Variants in GKAP1 observed in about 807,000 individuals in gnomAD.
The protein encoded by GKAP1 is G kinase anchoring protein 1.
In GKAP1, 31 loss-of-function variants were observed where a neutral mutation model predicts 56.7. The ratio of observed to expected loss-of-function variants is 0.55; its 90% CI spans 0.41 to 0.74. The LOEUF is 0.74. GKAP1 is among the 30% of genes least tolerant of loss of function. The pLI is 0.00. For missense variants in GKAP1, 364 were observed against 402.3 expected (o/e 0.90, Z 0.82); for synonymous variants, 151 against 138.6 (o/e 1.09, Z -0.63).
At chr9:83,791,555 AT>A (rs1382931823) in intron 4 of GKAP1, among the ~76,000 whole-genome samples, 5 of 152,200 alleles carry the variant, frequency 3.3e-5, no homozygotes, top group African/African-American at 7.2e-5. Flanking sequence ...GACAAAAATG[AT>A]TTAAATTTAA....
At chr9:83,809,914 T>A (rs1313053233) in intron 2 of GKAP1, among the ~76,000 whole-genome samples, 1 of 152,208 alleles carries the variant, frequency 6.6e-6, no homozygotes, top group Non-Finnish European at 1.5e-5. Flanking sequence ...CTAAAATGAT[T>A]CTCCCAGATC....
chr9:83,739,618 T>A lies in GKAP1; in HGVS notation c.*79A>T. ...CAAGAAAAACTGCATAGTTTAGCAGTTGCACAGCATTAAATATATACAACT... is the reference window on the plus strand; with the variant it reads ...CAAGAAAAACTGCATAGTTTAGCAGATGCACAGCATTAAATATATACAACT... On this transcript the variant is annotated 3_prime_UTR_variant, in exon 13 of 13. Coordinates refer to ENST00000376371, the MANE Select transcript of GKAP1 (RefSeq NM_025211.4). 4 of 1,100,778 alleles carry A rather than the reference T, an allele frequency of 3.6e-6. No homozygotes were observed. Among genetic ancestry groups the A allele is most frequent in the Admixed American group, 2.2e-5 (1 of 45,090 alleles). 68.2% of individuals were successfully genotyped at this position (1,100,778 alleles called of 1,614,324 possible).
intron 4 of GKAP1, among the ~76,000 whole-genome samples, chr9:83,790,819 GAAAAAGAA>G (rs2131301637): frequency 6.6e-6 from 1 of 151,096 alleles, no homozygotes; most frequent in Admixed American, 6.6e-5. Flanking sequence ...CTCAAAAAAA[GAAAAAGAA>G]AAAAAGAAAA....
At chr9:83,793,983 A>C (rs1458274566) in intron 4 of GKAP1, among the ~76,000 whole-genome samples, 1 of 152,076 alleles carries the variant, frequency 6.6e-6, no homozygotes, top group African/African-American at 2.4e-5. Context: ...CCTGGGCAAC[A>C]TGGCAAAACC....
At position 83,753,264 on chromosome 9, in the gene GKAP1, T is replaced by C; in HGVS notation, c.834A>G (p.Gln278=). The C allele has an allele frequency of 1.0e-5, 16 of 1,582,538 alleles. No individual in the cohort carries two copies. Among genetic ancestry groups the C allele is most frequent in the Middle Eastern group, 1.7e-4 (1 of 5,986 alleles). The change falls in exon 9 of 13, where the codon CAA becomes CAG. Residue 278 remains glutamine, a synonymous_variant. Transcript: ENST00000376371. ...EIQKLKNVIT[Q]WEAKYKEVKA... is the part of the protein sequence containing the mutation. ...ACAGTAAATGGACACAAACCTCCCA[T>C]TGAGTGATTACATTTTTCAGCTTCT...
At chr9:83,788,418 C>A (rs1047033898) in intron 5 of GKAP1, among the ~76,000 whole-genome samples, 183 bp downstream of exon 5, 9 of 152,156 alleles carry the variant, frequency 5.9e-5, no homozygotes, top group African/African-American at 2.2e-4. Flanking sequence ...CCAACTGTTT[C>A]TGTTCTATCT....
chr9:83,802,433 G>C (rs1944345958), intron 3 of GKAP1, among the ~76,000 whole-genome samples: 1 of 145,074 alleles, frequency 6.9e-6, no homozygotes. Flanking sequence ...AGTGAGCTGA[G>C]ATCACGGCAC....
At chr9:83,770,424 G>A (rs1400636562) in intron 7 of GKAP1, among the ~76,000 whole-genome samples, 6 of 152,176 alleles carry the variant, frequency 3.9e-5, no homozygotes, top group Admixed American at 6.5e-5. Context: ...TTTTAACTGC[G>A]TTGGGACTCT....
intron 4 of GKAP1, among the ~76,000 whole-genome samples, chr9:83,798,361 A>G (rs2131310796): frequency 6.6e-6 from 1 of 152,340 alleles, no homozygotes. Flanking sequence ...CAAAAAAGAT[A>G]TGTATTCGTC....
chr9:83,777,208 T>C (rs1451165223), intron 7 of GKAP1, among the ~76,000 whole-genome samples: 2 of 152,350 alleles, frequency 1.3e-5, no homozygotes, highest in Admixed American at 1.3e-4. Context: ...TTCAAGCATA[T>C]TGAAGACTGG....
chr9:83,790,748 G>T (rs1944143914), intron 4 of GKAP1, among the ~76,000 whole-genome samples: 1 of 152,072 alleles, frequency 6.6e-6, no homozygotes, highest in Admixed American at 6.6e-5. Context: ...AGAGGCGGAG[G>T]TTGCAGTGAG....
chr9:83,802,360 T>G (rs1456944954), intron 3 of GKAP1, among the ~76,000 whole-genome samples: 1 of 139,274 alleles, frequency 7.2e-6, no homozygotes, highest in African/African-American at 2.8e-5. Flanking sequence ...GTGCCTGTAG[T>G]CCCAGCTACT....
chr9:83,771,052 G>A (rs1943751152), intron 7 of GKAP1, among the ~76,000 whole-genome samples: 1 of 151,836 alleles, frequency 6.6e-6, no homozygotes, highest in Non-Finnish European at 1.5e-5. Flanking sequence ...TCACTCATTG[G>A]TTTCACCTAT....
intron 2 of GKAP1, among the ~76,000 whole-genome samples, chr9:83,806,850 CAT>C (rs1305730194): frequency 1.3e-5 from 2 of 152,026 alleles, no homozygotes; most frequent in Non-Finnish European, 2.9e-5. Flanking sequence ...GAAATATATA[CAT>C]AGTTATAGAG....
chr9:83,784,890 A>T (rs751044335), intron 5 of GKAP1, 52 bp from the exon 6 acceptor site: 3 of 1,378,612 alleles, frequency 2.2e-6, no homozygotes, highest in Non-Finnish European at 2.0e-6. Flanking sequence ...CTGTAAAATA[A>T]ACTCACCAAC....
chr9:83,760,447 T>C (rs890899133), intron 8 of GKAP1, among the ~76,000 whole-genome samples: 8 of 152,070 alleles, frequency 5.3e-5, no homozygotes, highest in African/African-American at 7.2e-5. Flanking sequence ...ACTTTCAGCA[T>C]TGGACAGATC....
chr9:83,782,419 C>T (rs866423987), intron 6 of GKAP1, among the ~76,000 whole-genome samples: 44 of 149,952 alleles, frequency 2.9e-4, no homozygotes, highest in African/African-American at 9.6e-4. Flanking sequence ...AGTGCAATGG[C>T]GCAATCTTGG....
At chr9:83,741,274 T>C (rs1943201632) in intron 12 of GKAP1, among the ~76,000 whole-genome samples, 1 of 152,042 alleles carries the variant, frequency 6.6e-6, no homozygotes, top group African/African-American at 2.4e-5. Context: ...GAGTGGCTTT[T>C]GAGATTTTTT....
At chr9:83,785,068 C>A (rs144447467) in intron 5 of GKAP1, among the ~76,000 whole-genome samples, 80 of 152,084 alleles carry the variant, frequency 5.3e-4, no homozygotes, top group African/African-American at 1.8e-3. Flanking sequence ...TGGCCTATAA[C>A]CCCCTCCTCA....
Sources: gnomAD v4.1 joint callset for allele counts (sites outside exome capture counted in the v4.1 genomes callset) on GRCh38, gnomAD v4.1.1 for gene constraint, MANE v1.5 for transcripts, NCBI Gene and HGNC (gene_info 2026-07-23, HGNC 2026-07-21) for gene names.